CORO2B: variants seen among roughly 807,000 people sequenced by gnomAD.
The protein encoded by CORO2B is coronin 2B.
A neutral mutation model predicts 58.8 loss-of-function variants in CORO2B; 26 were observed. The observed-to-expected ratio is 0.44, with a 90% CI of 0.32 to 0.61. The LOEUF is 0.61. Among genes scored for constraint, CORO2B ranks in the 20% least tolerant of loss-of-function variants. CORO2B has a pLI of 0.04. For synonymous variants in CORO2B, 242 were observed against 253.8 expected (o/e 0.95, Z 0.44); for missense variants, 460 against 645.1 (o/e 0.71, Z 3.11).
chr15:68,703,862 A>T (rs1892717591), intron 3 of CORO2B, among the ~76,000 whole-genome samples: 1 of 152,104 alleles, frequency 6.6e-6, no homozygotes, highest in Non-Finnish European at 1.5e-5. Context: ...TTCATATCAT[A>T]TGTATTGACT....
the CORO2B span, among the ~76,000 whole-genome samples, chr15:68,533,906 T>C: frequency 9.9e-4 from 151 of 152,246 alleles, no homozygotes; most frequent in African/African-American, 3.6e-3. Flanking sequence ...GTGCCCAGCC[T>C]CCTTACATCC....
chr15:68,725,750 G>C (rs1310366204), intron 11 of CORO2B, 93 bp from the exon 12 acceptor site: 3 of 1,535,024 alleles, frequency 2.0e-6, no homozygotes, highest in African/African-American at 1.4e-5. Context: ...GTGAGGGCAC[G>C]GGCGGCAGGC....
rs544475109 is a variant in CORO2B at position 68,611,187 on chromosome 15, C to T, written c.15+31910C>T. ...GAAGAATGCAGAGTCTGGAGTAACACGCTCCATGATTCTCTTGTTCCATTG... is the reference window on the plus strand; with the variant it reads ...GAAGAATGCAGAGTCTGGAGTAACATGCTCCATGATTCTCTTGTTCCATTG... On this transcript the variant is annotated intron_variant, in intron 1 of 11. Transcript: ENST00000261861. 2.6e-5 allele frequency among the ~76,000 whole-genome samples: 4 copies of T among 152,282 alleles called. No homozygotes were observed. In the South Asian group the frequency reaches 6.2e-4, roughly 24 times the overall value.
rs1892481707 is a variant in CORO2B at position 68,695,237 on chromosome 15, C to T, written c.314C>T (p.Ser105Leu). 3.7e-6 allele frequency: 6 copies of T among 1,613,798 alleles called. No homozygotes were observed. The highest frequency in any genetic ancestry group is 1.3e-5 in the African/African-American group (1 of 74,918). The change falls in exon 3 of 12, where the codon TCG (serine) becomes TTG (leucine). Residue 105 changes from serine (S) to leucine (L), a missense_variant. Coordinates refer to ENST00000261861, the MANE Select transcript of CORO2B (RefSeq NM_006091.5). ...CCCTTCATCGACAACATCATTGCCT[C>T]GTGCTCGGAGGACACGTCGGTGAGC... ...WNPFIDNIIA[S>L]CSEDTSVRIW...
intron 3 of CORO2B, among the ~76,000 whole-genome samples, chr15:68,705,903 T>G (rs536435207): frequency 1.3e-5 from 2 of 152,310 alleles, no homozygotes; most frequent in Admixed American, 6.5e-5. Flanking sequence ...TTAACTGGCT[T>G]GTTCACAGTC....
chr15:68,718,153 A>C (rs1466851395), intron 8 of CORO2B, among the ~76,000 whole-genome samples: 2 of 152,218 alleles, frequency 1.3e-5, no homozygotes, highest in African/African-American at 2.4e-5. Flanking sequence ...GTGAACCCAC[A>C]CAGGAAACAT....
chr15:68,630,461 T>G (rs1031240157), intron 1 of CORO2B, among the ~76,000 whole-genome samples: 2 of 151,770 alleles, frequency 1.3e-5, no homozygotes, highest in African/African-American at 4.8e-5. Context: ...CCTGCTAGGC[T>G]TGGGTGGGGC....
At chr15:68,671,734 T>C (rs551158101) in intron 2 of CORO2B, among the ~76,000 whole-genome samples, 1 of 152,330 alleles carries the variant, frequency 6.6e-6, no homozygotes, top group Admixed American at 6.5e-5. Flanking sequence ...CTAAGTGTTC[T>C]CACTCATGGC....
chr15:68,710,895 A>C lies in CORO2B; in HGVS notation c.483+14A>C, dbSNP rs756389544. On this transcript the variant is annotated intron_variant, in intron 4 of 11. Transcript: ENST00000261861. The surrounding 1 kb of genome is among the most constrained non-coding windows in gnomAD (Gnocchi z 4.1). ...TACGACTACAAGGTATGCAGTGGGC[A>C]GGCAGCTGGGTGGAGAGGGATTGGG... 6.3e-7 allele frequency: 1 copy of C among 1,585,456 alleles called. No homozygotes were observed. Among genetic ancestry groups the C allele is most frequent in the African/African-American group, 1.3e-5 (1 of 74,548 alleles).
intron 1 of CORO2B, among the ~76,000 whole-genome samples, chr15:68,582,819 T>A (rs1323512244): frequency 6.6e-6 from 1 of 152,120 alleles, no homozygotes; most frequent in Admixed American, 6.6e-5. Context: ...TGGCTTATAG[T>A]GACCAGGCTC....
At chr15:68,562,466 A>G in the CORO2B span, among the ~76,000 whole-genome samples, 1 of 152,190 alleles carries the variant, frequency 6.6e-6, no homozygotes, top group Non-Finnish European at 1.5e-5. Flanking sequence ...ATGTCTTTAC[A>G]TTCTTATTGG....
the CORO2B span, among the ~76,000 whole-genome samples, chr15:68,537,369 C>T: frequency 6.6e-6 from 1 of 152,140 alleles, no homozygotes; most frequent in Non-Finnish European, 1.5e-5. Context: ...GACTACTAGG[C>T]AATAGCATGG....
chr15:68,649,396 C>T (rs1195070313), intron 2 of CORO2B, among the ~76,000 whole-genome samples: 2 of 152,108 alleles, frequency 1.3e-5, no homozygotes, highest in Non-Finnish European at 2.9e-5. Flanking sequence ...GATTGTGTAG[C>T]AATTTTATGA....
intron 1 of CORO2B, 47 bp downstream of exon 1, chr15:68,579,324 TC>T (rs1255181841): frequency 8.7e-6 from 11 of 1,259,944 alleles, no homozygotes; most frequent in South Asian, 8.1e-5. Flanking sequence ...GGCGCCTGCA[TC>T]CCCCGGGCTA....
At chr15:68,661,671 A>G (rs1196167403) in intron 2 of CORO2B, among the ~76,000 whole-genome samples, 1 of 152,162 alleles carries the variant, frequency 6.6e-6, no homozygotes, top group African/African-American at 2.4e-5. Flanking sequence ...AGTGTTCTTA[A>G]TGGCATATTT....
At chr15:68,603,823 G>A (rs1595962362) in intron 1 of CORO2B, among the ~76,000 whole-genome samples, 1 of 152,270 alleles carries the variant, frequency 6.6e-6, no homozygotes, top group African/African-American at 2.4e-5. Context: ...TGTTGTTTAA[G>A]CCCCCAGCCT....
At chr15:68,703,898 G>T (rs762326197) in intron 3 of CORO2B, among the ~76,000 whole-genome samples, 30 of 152,118 alleles carry the variant, frequency 2.0e-4, no homozygotes, top group Middle Eastern at 3.4e-3. Context: ...AAGTGCACAT[G>T]AAAAATATAA....
At chr15:68,649,882 AAG>A (rs986665194) in intron 2 of CORO2B, among the ~76,000 whole-genome samples, 1 of 152,148 alleles carries the variant, frequency 6.6e-6, no homozygotes, top group Non-Finnish European at 1.5e-5. Context: ...CTATACACTC[AAG>A]AGAGAGAATG....
chr15:68,719,824 G>A (rs757713887), intron 11 of CORO2B, among the ~76,000 whole-genome samples: 14 of 152,166 alleles, frequency 9.2e-5, no homozygotes, highest in Admixed American at 1.3e-4. Context: ...ATTTCAGAAC[G>A]TTGCTGTCAT....
Sources: allele counts gnomAD v4.1 joint callset (sites outside exome capture counted in the v4.1 genomes callset), GRCh38; gene constraint gnomAD v4.1.1; non-coding constraint Gnocchi (gnomAD v3.1); transcripts MANE v1.5; gene names NCBI Gene and HGNC (gene_info 2026-07-23, HGNC 2026-07-21).